The following SDK1 variants were observed in gnomAD, a reference collection of about 807,000 sequenced individuals.
SDK1 encodes sidekick cell adhesion molecule 1, also known as protein sidekick-1.
A neutral mutation model predicts 245.5 loss-of-function variants in SDK1; 157 were observed. The ratio of observed to expected loss-of-function variants is 0.64; its 90% confidence interval spans 0.56 to 0.73. The LOEUF is 0.73. Among genes scored for constraint, SDK1 ranks in the 30% least tolerant of loss-of-function variants. The pLI is 0.00. For synonymous variants in SDK1, 1,647 were observed against 1,278.5 expected, an observed-to-expected ratio of 1.29 and a Z score of -6.15; for missense variants, 3,583 against 3,002.3, an observed-to-expected ratio of 1.19 and a Z score of -4.52.
intron 44 of SDK1, among the ~76,000 whole-genome samples, chr7:4,258,385 G>T (rs1014205915): frequency 8.5e-5 from 13 of 152,126 alleles, no homozygotes; most frequent in Admixed American, 8.5e-4. Flanking sequence ...ATGCCCAAAG[G>T]GTCACCGAGT....
chr7:3,713,129 C>T (rs568817473), intron 4 of SDK1, among the ~76,000 whole-genome samples: 1 of 152,328 alleles, frequency 6.6e-6, no homozygotes, highest in East Asian at 1.9e-4. Flanking sequence ...CTGAAGGCAC[C>T]AGGAACCCTC....
intron 1 of SDK1, among the ~76,000 whole-genome samples, chr7:3,428,731 A>C (rs138694777): frequency 8.6e-4 from 131 of 152,264 alleles, no homozygotes; most frequent in Non-Finnish European, 1.6e-3. Flanking sequence ...AACATACCTG[A>C]CCTTATCTGA....
intron 27 of SDK1, 188 bp downstream of exon 27, chr7:4,130,285 G>A: frequency 1.6e-6 from 1 of 626,318 alleles, no homozygotes; most frequent in Non-Finnish European, 2.7e-6. Context: ...GCCTGGAGTG[G>A]ATTTTTACAG....
intron 17 of SDK1, among the ~76,000 whole-genome samples, chr7:4,031,942 G>A (rs193097160): frequency 2.1e-4 from 32 of 151,158 alleles, no homozygotes; most frequent in African/African-American, 4.9e-4. Flanking sequence ...CAGGAGAATC[G>A]CTTGAACCTG....
intron 35 of SDK1, 63 bp downstream of exon 35, chr7:4,178,649 C>T (rs1782406994): frequency 3.4e-6 from 4 of 1,186,426 alleles, no homozygotes; most frequent in South Asian, 1.2e-5. Flanking sequence ...GACAGCCAGG[C>T]ACGCTGCGGC....
chr7:4,215,173 A>G (rs561823369), intron 38 of SDK1, among the ~76,000 whole-genome samples: 12 of 152,322 alleles, frequency 7.9e-5, no homozygotes. Flanking sequence ...ACGTCAAAAG[A>G]AGAACGTGGA....
intron 4 of SDK1, among the ~76,000 whole-genome samples, chr7:3,805,590 C>A (rs1779221630): frequency 6.6e-6 from 1 of 152,164 alleles, no homozygotes; most frequent in Non-Finnish European, 1.5e-5. Context: ...AGCAGTTCCC[C>A]CAGTGGAGAC....
In SDK1 at chr7:3,538,878, C is replaced by T. The variant is rs538261258; in HGVS notation, c.299-80202C>T. 1.2e-3 allele frequency among the ~76,000 whole-genome samples: 190 copies of T among 152,292 alleles called. 1 individual carries two copies. Among genetic ancestry groups the T allele is most frequent in the Non-Finnish European group, 2.0e-3 (135 of 68,032 alleles). On this transcript the variant is annotated intron_variant, in intron 1 of 44. Coordinates refer to ENST00000404826, the MANE Select transcript of SDK1 (RefSeq NM_152744.4). The stretch of plus-strand genomic sequence containing the variant: ...TGTTCCAAAAGCACACTTATGCTGT[C>T]GGCATGATTTTATGGTTGTCCACAC...
intron 34 of SDK1, among the ~76,000 whole-genome samples, chr7:4,176,126 T>C (rs974038356): frequency 3.3e-5 from 5 of 152,134 alleles, no homozygotes; most frequent in African/African-American, 1.2e-4. Flanking sequence ...TCCTTTTTTT[T>C]TTTTTAAAGA....
At chr7:3,958,812 A>G in intron 7 of SDK1, 119 bp from the exon 8 acceptor site, 1 of 798,004 alleles carries the variant, frequency 1.3e-6, no homozygotes, top group East Asian at 2.5e-5. Flanking sequence ...GCACGATGCT[A>G]ACTAATGATG....
intron 1 of SDK1, among the ~76,000 whole-genome samples, chr7:3,442,161 T>C (rs532262614): frequency 1.3e-5 from 2 of 152,330 alleles, no homozygotes; most frequent in Non-Finnish European, 2.9e-5. Context: ...TAAGCCATTA[T>C]TATTGGGAGC....
chr7:3,828,570 A>T (rs1446811210), intron 5 of SDK1, among the ~76,000 whole-genome samples: 2 of 151,702 alleles, frequency 1.3e-5, no homozygotes, highest in Admixed American at 1.3e-4. Context: ...ACAATAACTC[A>T]ATCCAAGAGA....
intron 1 of SDK1, among the ~76,000 whole-genome samples, chr7:3,427,663 T>C (rs1779714920): frequency 6.6e-6 from 1 of 152,156 alleles, no homozygotes; most frequent in African/African-American, 2.4e-5. Flanking sequence ...ATTTCCATAC[T>C]CCTTTCTAAG....
chr7:4,227,507 G>A (rs761680746), intron 40 of SDK1: 3 of 461,780 alleles, frequency 6.5e-6, no homozygotes, highest in Non-Finnish European at 1.3e-5. Flanking sequence ...ACCTGGATTG[G>A]CCATTCATAC....
chr7:3,598,915 C>G (rs2341587), intron 1 of SDK1, among the ~76,000 whole-genome samples: 2 of 151,936 alleles, frequency 1.3e-5, no homozygotes, highest in African/African-American at 4.8e-5. Context: ...AAAGCTGTTA[C>G]CTAGGAAGGT....
At chr7:3,344,792 G>T (rs1250681450) in intron 1 of SDK1, among the ~76,000 whole-genome samples, 5 of 152,174 alleles carry the variant, frequency 3.3e-5, no homozygotes, top group Admixed American at 6.5e-5. Flanking sequence ...AGTAAGTTCT[G>T]AGAGAATGAA....
At chr7:3,973,105 A>G (rs1163829297) in intron 12 of SDK1, among the ~76,000 whole-genome samples, 2 of 152,050 alleles carry the variant, frequency 1.3e-5, no homozygotes, top group African/African-American at 4.8e-5. Flanking sequence ...CCTTCCTCAG[A>G]TGGAACTGGG....
intron 4 of SDK1, among the ~76,000 whole-genome samples, chr7:3,808,407 A>G (rs953484588): frequency 1.3e-5 from 2 of 152,204 alleles, no homozygotes; most frequent in Non-Finnish European, 2.9e-5. Context: ...AAATCTCAGA[A>G]TGCTGAAAGG....
chr7:3,751,422 C>T (rs1318942272), intron 4 of SDK1, among the ~76,000 whole-genome samples: 1 of 126,052 alleles, frequency 7.9e-6, no homozygotes, highest in Non-Finnish European at 1.5e-5. Flanking sequence ...GAGATAGAAC[C>T]AGAGGACAAG....
Sources: allele counts gnomAD v4.1 joint callset (sites outside exome capture counted in the v4.1 genomes callset), GRCh38; gene constraint gnomAD v4.1.1; transcripts MANE v1.5; gene names NCBI Gene and HGNC (gene_info 2026-07-23, HGNC 2026-07-21).